Variants in CRTC3 observed in about 807,000 individuals in gnomAD.
CRTC3 encodes the protein CREB regulated transcription coactivator 3.
CRTC3 carries 26 observed loss-of-function variants against 74.5 expected under a neutral mutation model. The observed-to-expected ratio is 0.35, with a 90% CI of 0.26 to 0.48. The LOEUF (loss-of-function observed/expected upper bound fraction) is 0.48. CRTC3 is among the 20% of genes least tolerant of loss of function. CRTC3 has a pLI of 0.99. For synonymous variants in CRTC3, 377 were observed against 325.8 expected (o/e 1.16, Z -1.69); for missense variants, 760 against 787.3 (o/e 0.97, Z 0.41).
At chr15:90,625,699 A>G in intron 9 of CRTC3, 77 bp from the exon 10 acceptor site, 1 of 1,313,346 alleles carries the variant, frequency 7.6e-7, no homozygotes, top group Non-Finnish European at 1.1e-6. Flanking sequence ...TTTGACAAGG[A>G]AAAGGTTTCA....
chr15:90,631,657 G>A (rs1969041891), intron 11 of CRTC3, among the ~76,000 whole-genome samples: 2 of 151,486 alleles, frequency 1.3e-5, no homozygotes, highest in African/African-American at 4.9e-5. Flanking sequence ...GCACCCTGGA[G>A]GTGGAAGTTT....
At chr15:90,540,546 G>A (rs1023566988) in intron 2 of CRTC3, among the ~76,000 whole-genome samples, 1 of 152,172 alleles carries the variant, frequency 6.6e-6, no homozygotes, top group African/African-American at 2.4e-5. Context: ...GCCAAGGCTG[G>A]CAGATCACCT....
intron 2 of CRTC3, among the ~76,000 whole-genome samples, chr15:90,586,074 A>G (rs1220219941): frequency 6.6e-6 from 1 of 152,138 alleles, no homozygotes; most frequent in Non-Finnish European, 1.5e-5. Context: ...GCAAGTACCC[A>G]TTCCCAGTGT....
chr15:90,544,586 A>G (rs1966841136), intron 2 of CRTC3, among the ~76,000 whole-genome samples: 1 of 152,224 alleles, frequency 6.6e-6, no homozygotes, highest in South Asian at 2.1e-4. Context: ...CCTTTTGGCA[A>G]TTATGAATAA....
At chr15:90,636,137 T>C (rs1444391561) in intron 11 of CRTC3, among the ~76,000 whole-genome samples, 5 of 151,440 alleles carry the variant, frequency 3.3e-5, no homozygotes, top group East Asian at 1.9e-4. Flanking sequence ...GGAGGCATCA[T>C]GCTACCTGAC....
At chr15:90,633,388 C>T (rs1596146278) in intron 11 of CRTC3, among the ~76,000 whole-genome samples, 1 of 152,112 alleles carries the variant, frequency 6.6e-6, no homozygotes, top group Non-Finnish European at 1.5e-5. Flanking sequence ...TTTGATCTGC[C>T]ATTTAATTAT....
intron 8 of CRTC3, chr15:90,618,202 T>TA: frequency 1.3e-5 from 2 of 148,384 alleles, no homozygotes; most frequent in Non-Finnish European, 1.1e-5. Flanking sequence ...TGAATTGACT[T>TA]ATTTAAAAAA....
At chr15:90,613,105 C>T (rs182963470) in intron 6 of CRTC3, among the ~76,000 whole-genome samples, 9 of 78,898 alleles carry the variant, frequency 1.1e-4, no homozygotes, top group African/African-American at 7.2e-4. Context: ...GAGGCTGAGG[C>T]CCAGGAGGTG....
chr15:90,613,211 G>A (rs566301660), intron 6 of CRTC3, among the ~76,000 whole-genome samples: 37 of 143,022 alleles, frequency 2.6e-4, no homozygotes, highest in Admixed American at 2.1e-4. Context: ...AAAAAAAAAT[G>A]TAGATTCCTT....
intron 7 of CRTC3, among the ~76,000 whole-genome samples, chr15:90,616,509 C>T (rs2151087314): frequency 6.6e-6 from 1 of 152,226 alleles, no homozygotes. Flanking sequence ...TTCTTGGGTA[C>T]CCGGCCATCT....
chr15:90,598,556 G>A, intron 3 of CRTC3: 1 of 701,830 alleles, frequency 1.4e-6, no homozygotes, highest in Non-Finnish European at 2.6e-6. Flanking sequence ...AGAACACACT[G>A]GGATGACTCT....
intron 2 of CRTC3, among the ~76,000 whole-genome samples, chr15:90,556,964 A>G (rs1322129436): frequency 7.4e-5 from 1 of 13,530 alleles, no homozygotes; most frequent in Non-Finnish European, 3.1e-4. Flanking sequence ...ATGGCTATAT[A>G]TATATATATA....
chr15:90,602,835 A>G (rs555792581), intron 4 of CRTC3, among the ~76,000 whole-genome samples: 67 of 150,780 alleles, frequency 4.4e-4, no homozygotes, highest in Non-Finnish European at 7.7e-4. Context: ...TTAGCTGGGC[A>G]TGACAGCACA....
At chr15:90,630,379 G>A (rs983620290) in intron 11 of CRTC3, among the ~76,000 whole-genome samples, 1 of 152,174 alleles carries the variant, frequency 6.6e-6, no homozygotes, top group African/African-American at 2.4e-5. Context: ...AGTATGTTGA[G>A]GATTATATCT....
Position 90,629,362 on chromosome 15 carries a change from C to T in CRTC3, c.1096C>T (p.Leu366=). The change falls in exon 11 of 15, where the codon CTG becomes TTG. Residue 366 remains leucine (L), a synonymous_variant. Transcript: ENST00000268184. ...NASALHPSLR[L]FSLSNPSLST... ...ATCTGCTCTTCACCCTTCGCTCCGT[C>T]TGTTTTCCCTTAGCAACCCATCTCT... 2 of 1,614,142 alleles carry T rather than the reference C, an allele frequency of 1.2e-6. No individual in the cohort carries two copies. The highest frequency in any genetic ancestry group is 1.7e-6 in the Non-Finnish European group (2 of 1,180,026).
chr15:90,557,789 G>C (rs1239667967), intron 2 of CRTC3, among the ~76,000 whole-genome samples: 2 of 152,026 alleles, frequency 1.3e-5, no homozygotes, highest in East Asian at 3.9e-4. Flanking sequence ...CTGTAATTTG[G>C]CCTCAAGTCA....
rs371749754 is a variant in CRTC3 at position 90,638,735 on chromosome 15, G to T, written c.1468G>T (p.Gly490Cys). The T allele has an allele frequency of 7.4e-6, 12 of 1,613,914 alleles. No homozygotes were observed. The Admixed American group carries it at 8.3e-5, about 11-fold the overall frequency. The change falls in exon 13 of 15, where the codon GGC (glycine) becomes TGC (cysteine). Residue 490 changes from glycine (G) to cysteine (C), a missense_variant and splice_region_variant. By Grantham distance (159) the Gly-to-Cys change is radical (BLOSUM62 -3). Around this residue, in one of 2 missense-constraint regions of CRTC3, gnomAD observed 652 missense variants for 635.2 expected, o/e 1.03. Transcript: ENST00000268184. ...QSDFQLLPAQ[G>C]SSLTNFFPDV... ...ATGATCATCTCCTTATTCCCTGAAG[G>T]GCTCATCTTTGACCAACTTCTTCCC... is the stretch of plus-strand genomic sequence containing the variant.
intron 7 of CRTC3, among the ~76,000 whole-genome samples, chr15:90,616,331 C>G (rs73487653): frequency 2.6e-5 from 4 of 152,084 alleles, no homozygotes; most frequent in Non-Finnish European, 5.9e-5. Flanking sequence ...TAAGTTAGAC[C>G]GCTACCCATA....
At chr15:90,548,136 G>A (rs868341818) in intron 2 of CRTC3, among the ~76,000 whole-genome samples, 7 of 146,618 alleles carry the variant, frequency 4.8e-5, no homozygotes, top group Middle Eastern at 3.7e-3. Flanking sequence ...CGATCCACCC[G>A]CCGTGGCCTC....
Sources: gnomAD v4.1 joint callset for allele counts (sites outside exome capture counted in the v4.1 genomes callset) on GRCh38, gnomAD v4.1.1 for gene constraint, gnomAD v4.1.1 regional missense constraint, MANE v1.5 for transcripts, NCBI Gene and HGNC (gene_info 2026-07-23, HGNC 2026-07-21) for gene names.